The following PITPNA variants were observed in gnomAD, a reference collection of about 807,000 sequenced individuals.
PITPNA encodes the protein phosphatidylinositol transfer protein alpha isoform.
Under a neutral mutation model 50.3 loss-of-function variants are expected in PITPNA, and 13 were observed. That is an observed-to-expected ratio of 0.26 (90% CI 0.17 to 0.41). PITPNA has a LOEUF of 0.41. Among genes scored for constraint, PITPNA ranks in the 10% least tolerant of loss-of-function variants. The probability of loss-of-function intolerance (pLI) is 1.00; values close to 1 mark genes in which losing one functional copy is unlikely to be tolerated. For missense variants in PITPNA, 207 were observed against 333.4 expected (o/e 0.62, Z 2.95); for synonymous variants, 120 against 119.6 (o/e 1.00, Z -0.02).
chr17:1,528,434 G>A (rs1458833347), intron 10 of PITPNA, among the ~76,000 whole-genome samples: 2 of 152,064 alleles, frequency 1.3e-5, no homozygotes, highest in East Asian at 1.9e-4. Context: ...TTGAGCCACC[G>A]TGCCTTAAAC....
At chr17:1,530,585 T>C (rs1233997515) in intron 10 of PITPNA, among the ~76,000 whole-genome samples, 1 of 152,194 alleles carries the variant, frequency 6.6e-6, no homozygotes, top group African/African-American at 2.4e-5. Flanking sequence ...TAGACGACTA[T>C]GTACTGGCTT....
intron 10 of PITPNA, among the ~76,000 whole-genome samples, chr17:1,523,179 T>C (rs548446984): frequency 2.0e-5 from 3 of 152,350 alleles, no homozygotes; most frequent in East Asian, 3.9e-4. Context: ...ACTGTAGACG[T>C]CATCTCTCTA....
intron 10 of PITPNA, among the ~76,000 whole-genome samples, chr17:1,530,080 C>T (rs2075572501): frequency 6.6e-6 from 1 of 151,948 alleles, no homozygotes; most frequent in African/African-American, 2.4e-5. Context: ...ACATGTGAAA[C>T]TCTTAGCATA....
At chr17:1,523,951 A>C (rs1002398948) in intron 10 of PITPNA, among the ~76,000 whole-genome samples, 3 of 151,736 alleles carry the variant, frequency 2.0e-5, no homozygotes, top group African/African-American at 4.8e-5. Flanking sequence ...GAGCCACTGC[A>C]CCTGGCCTGG....
chr17:1,541,931 G>A (rs1241237294), intron 5 of PITPNA, among the ~76,000 whole-genome samples: 1 of 152,136 alleles, frequency 6.6e-6, no homozygotes, highest in Non-Finnish European at 1.5e-5. Context: ...CAGGCATGGT[G>A]GCTCACGCCT....
At chr17:1,535,411 GC>G (rs1567579422) in intron 8 of PITPNA, 29 bp downstream of exon 8, 3 of 1,580,270 alleles carry the variant, frequency 1.9e-6, no homozygotes, top group South Asian at 2.2e-5. Context: ...ATGCTGCCCA[GC>G]CCCCTGGCAG....
chr17:1,538,842 C>T lies in PITPNA; in HGVS notation c.456+27G>A, dbSNP rs762215411. Reference sequence around the variant, plus strand: ...AGAAGTCATTTCTGCGTCTCGAAGGCCACCCACGTCTTTAAACGGATCCTA... The same window carrying T: ...AGAAGTCATTTCTGCGTCTCGAAGGTCACCCACGTCTTTAAACGGATCCTA... On this transcript the variant is annotated intron_variant, in intron 7 of 11. Coordinates refer to ENST00000313486, the MANE Select transcript of PITPNA (RefSeq NM_006224.4). 5.2e-5 allele frequency: 77 copies of T among 1,480,586 alleles called. 1 individual carries two copies. The highest frequency in any genetic ancestry group is 1.2e-4 in the Admixed American group (7 of 58,526). 91.7% of individuals were successfully genotyped at this position (1,480,586 alleles called of 1,614,324 possible). A position where few individuals can be genotyped will look rare whatever the true frequency, so the allele number is the denominator to read the frequency against.
At chr17:1,551,828 C>T (rs1418107470) in intron 3 of PITPNA, among the ~76,000 whole-genome samples, 1 of 152,230 alleles carries the variant, frequency 6.6e-6, no homozygotes, top group Non-Finnish European at 1.5e-5. Context: ...GACAGCACTG[C>T]TCTCCTCGCA....
At chr17:1,527,973 G>C (rs2075558007) in intron 10 of PITPNA, among the ~76,000 whole-genome samples, 1 of 152,184 alleles carries the variant, frequency 6.6e-6, no homozygotes, top group South Asian at 2.1e-4. Context: ...CTTGTGGCTG[G>C]GAGTTTGAGA....
At chr17:1,560,065 T>G (rs1248340402) in intron 1 of PITPNA, among the ~76,000 whole-genome samples, 1 of 152,130 alleles carries the variant, frequency 6.6e-6, no homozygotes, top group African/African-American at 2.4e-5. Context: ...TTAAACAGAA[T>G]CCTGTTAGAG....
chr17:1,530,638 T>C (rs2075575646), intron 10 of PITPNA, among the ~76,000 whole-genome samples: 2 of 152,168 alleles, frequency 1.3e-5, no homozygotes, highest in Non-Finnish European at 2.9e-5. Context: ...GTGCAGTTCA[T>C]CACGGTGCAT....
chr17:1,554,388 C>CTT (rs2075724799), intron 2 of PITPNA, among the ~76,000 whole-genome samples: 1 of 121,958 alleles, frequency 8.2e-6, no homozygotes, highest in Non-Finnish European at 1.7e-5. Context: ...GGGTGTTTCT[C>CTT]TATTTTTTTT....
At chr17:1,531,369 T>A (rs1288323972) in intron 10 of PITPNA, among the ~76,000 whole-genome samples, 1 of 151,584 alleles carries the variant, frequency 6.6e-6, no homozygotes, top group Non-Finnish European at 1.5e-5. Context: ...GAGGTAGAGG[T>A]TCCCCCCACT....
intron 11 of PITPNA, among the ~76,000 whole-genome samples, chr17:1,521,222 T>C (rs546963445): frequency 1.3e-5 from 2 of 152,278 alleles, no homozygotes; most frequent in South Asian, 4.1e-4. Context: ...ATGGCAGCTT[T>C]TGGGAGCTGG....
rs140948272 is a variant in PITPNA, at chr17:1,557,602, C to T, written c.51+927G>A. Among the ~76,000 whole-genome samples, 612 of 152,214 alleles carry T rather than the reference C, an allele frequency of 4.0e-3. 8 individuals are homozygous for T. The highest frequency in any genetic ancestry group is 0.014 in the African/African-American group (588 of 41,526). Reference sequence around the variant, plus strand: ...AGAAAGAGTGAGACAAGGGAGGTTCCGTGACAGTTTTCCGTTGTCCAAGAG... The same window carrying T: ...AGAAAGAGTGAGACAAGGGAGGTTCTGTGACAGTTTTCCGTTGTCCAAGAG... On this transcript the variant is annotated intron_variant, in intron 2 of 11. Transcript: ENST00000313486.
intron 10 of PITPNA, among the ~76,000 whole-genome samples, chr17:1,527,933 A>T (rs1234050799): frequency 6.6e-6 from 1 of 152,240 alleles, no homozygotes; most frequent in Non-Finnish European, 1.5e-5. Context: ...TACAATCCCA[A>T]CACTTCGGGA....
At chr17:1,524,593 T>C (rs748413920) in intron 10 of PITPNA, among the ~76,000 whole-genome samples, 8 of 152,002 alleles carry the variant, frequency 5.3e-5, no homozygotes, top group African/African-American at 7.2e-5. Flanking sequence ...AAAATAGAGA[T>C]AACAGTACAT....
At chr17:1,546,219 G>A (rs932799231) in intron 4 of PITPNA, among the ~76,000 whole-genome samples, 2 of 152,138 alleles carry the variant, frequency 1.3e-5, no homozygotes, top group South Asian at 2.1e-4. Flanking sequence ...ATGAGCCACC[G>A]TGCCCGACCC....
chr17:1,553,657 C>T (rs1452850591), intron 2 of PITPNA, among the ~76,000 whole-genome samples: 2 of 152,138 alleles, frequency 1.3e-5, no homozygotes, highest in Non-Finnish European at 2.9e-5. Flanking sequence ...TATTAAGACC[C>T]CAGAAGACCT....
Sources: gnomAD v4.1 joint callset for allele counts (sites outside exome capture counted in the v4.1 genomes callset) on GRCh38, gnomAD v4.1.1 for gene constraint, MANE v1.5 for transcripts, NCBI Gene and HGNC (gene_info 2026-07-23, HGNC 2026-07-21) for gene names.